Variants in RAB14 observed in about 807,000 individuals in gnomAD.
The protein encoded by RAB14 is ras-related protein Rab-14.
A neutral mutation model predicts 31.1 loss-of-function variants in RAB14; 3 were observed. The observed-to-expected ratio is 0.10, with a 90% CI of 0.04 to 0.25. The LOEUF (loss-of-function observed/expected upper bound fraction) is 0.25, where lower values mean the gene tolerates loss of function less well. Among genes scored for constraint, RAB14 ranks in the 10% least tolerant of loss-of-function variants. The pLI is 1.00. For synonymous variants in RAB14, 85 were observed against 84.9 expected (o/e 1.00, Z 0.00); for missense variants, 111 against 260.1 (o/e 0.43, Z 3.94).
At chr9:121,197,575 T>C (rs1054807859) in intron 1 of RAB14, among the ~76,000 whole-genome samples, 2 of 152,216 alleles carry the variant, frequency 1.3e-5, no homozygotes, top group Non-Finnish European at 2.9e-5. Context: ...ATGGTTTCTA[T>C]TTACTGAATC....
At chr9:121,184,603 G>A (rs1271832283) in intron 5 of RAB14, among the ~76,000 whole-genome samples, 1 of 152,064 alleles carries the variant, frequency 6.6e-6, no homozygotes, top group Non-Finnish European at 1.5e-5. Context: ...TTTTTTTCAT[G>A]TAAAATTACA....
chr9:121,181,249 T>C lies in RAB14; in HGVS notation c.*147A>G, dbSNP rs1175433355. On this transcript the variant is annotated 3_prime_UTR_variant, in exon 8 of 8. Coordinates refer to ENST00000373840, the MANE Select transcript of RAB14 (RefSeq NM_016322.4). ...CATCTAGTTGTTTAGCAGTTTAGTA[T>C]TGTGTTAAACTGTTTTTACAACAGA... The C allele has an allele frequency of 7.7e-6, 6 of 779,184 alleles. No individual in the cohort carries two copies. Among genetic ancestry groups the C allele is most frequent in the Non-Finnish European group, 1.1e-5 (6 of 528,306 alleles). 48.3% of individuals were successfully genotyped at this position (779,184 alleles called of 1,614,324 possible).
intron 2 of RAB14, among the ~76,000 whole-genome samples, chr9:121,192,628 G>A (rs1175249944): frequency 6.6e-6 from 1 of 151,954 alleles, no homozygotes; most frequent in Non-Finnish European, 1.5e-5. Context: ...ATAACAAACT[G>A]AGTTCTGGAA....
At chr9:121,188,734 G>A (rs1196228923) in intron 4 of RAB14, among the ~76,000 whole-genome samples, 1 of 151,948 alleles carries the variant, frequency 6.6e-6, no homozygotes, top group Non-Finnish European at 1.5e-5. Flanking sequence ...CAACACCAAA[G>A]TCACTATAAA....
chr9:121,193,796 C>T (rs1039814167), intron 1 of RAB14, among the ~76,000 whole-genome samples: 6 of 152,112 alleles, frequency 3.9e-5, no homozygotes, highest in African/African-American at 1.4e-4. Flanking sequence ...CTCTTCTCCC[C>T]TTAAAGTCCC....
chr9:121,201,710 G>A lies in RAB14; in HGVS notation c.-79C>T, dbSNP rs1015424220. ...CGTCAGGACCAGGAACAGGAGTGCG[G>A]ACGCAGCGGGAGAGGGGGCGGGGGC... On this transcript the variant is annotated 5_prime_UTR_variant, in exon 1 of 8. Coordinates refer to ENST00000373840, the MANE Select transcript of RAB14 (RefSeq NM_016322.4). 2 of 152,574 alleles carry A rather than the reference G, an allele frequency of 1.3e-5. No homozygotes were observed. The highest frequency in any genetic ancestry group is 2.9e-5 in the Non-Finnish European group (2 of 68,448). The allele number at this position is 152,574 out of a possible 1,614,324, so 9.5% of individuals were successfully genotyped here.
In RAB14 at chr9:121,201,319, C is replaced by T. The variant is rs576031494; in HGVS notation, c.-8+320G>A. 5.9e-5 allele frequency among the ~76,000 whole-genome samples: 9 copies of T among 152,250 alleles called. No homozygotes were observed. In the South Asian group the frequency reaches 1.9e-3, roughly 32 times the overall value. On this transcript the variant is annotated intron_variant, in intron 1 of 7. Transcript: ENST00000373840. Reference sequence around the variant, plus strand: ...GGCCCGCGGGAGATGCGGTCCTGCCCAGCCGCGCCGAGAAGGCGGGGAAGG... The same window carrying T: ...GGCCCGCGGGAGATGCGGTCCTGCCTAGCCGCGCCGAGAAGGCGGGGAAGG...
At chr9:121,200,723 T>C (rs1195754997) in intron 1 of RAB14, among the ~76,000 whole-genome samples, 2 of 152,218 alleles carry the variant, frequency 1.3e-5, no homozygotes, top group East Asian at 1.9e-4. Context: ...CCAGCCACAG[T>C]GTGAGCCGAA....
At position 121,183,359 on chromosome 9, in the gene RAB14, G is replaced by T. The variant is rs1184998950; in HGVS notation, c.391C>A (p.Gln131Lys). Residue 131 changes from glutamine to lysine, a missense_variant, in exon 6 of 8, where the codon CAG becomes AAG. Transcript: ENST00000373840. ...LIGNKADLEAQRDVTYEEAKQ... is the reference protein window; with the variant it reads ...LIGNKADLEAKRDVTYEEAKQ... ...GCTTCTTCATATGTAACATCTCTCT[G>T]TGCCTCCAAATCTGCTTTATTTCCT... The T allele has an allele frequency of 1.9e-6, 3 of 1,610,720 alleles. No individual in the cohort carries two copies. Among genetic ancestry groups the T allele is most frequent in the Non-Finnish European group, 2.5e-6 (3 of 1,178,206 alleles).
chr9:121,181,165 G>A lies in RAB14; in HGVS notation c.*231C>T, dbSNP rs1234746689. ...ATCACGAGGACAAGGGGGAAAAAAA[G>A]TCTAGATTTACCATGCAGGAGAGAT... is the stretch of plus-strand genomic sequence containing the variant. On this transcript the variant is annotated 3_prime_UTR_variant, in exon 8 of 8. Coordinates refer to ENST00000373840, the MANE Select transcript of RAB14 (RefSeq NM_016322.4). 6 of 382,436 alleles carry A rather than the reference G, an allele frequency of 1.6e-5. No homozygotes were observed. Among genetic ancestry groups the A allele is most frequent in the Non-Finnish European group, 2.7e-5 (6 of 218,652 alleles). 23.7% of individuals were successfully genotyped at this position (382,436 alleles called of 1,614,324 possible).
chr9:121,181,645 AATCTTT>A (rs1469005852), intron 7 of RAB14, 72 bp from the exon 8 acceptor site: 1 of 1,269,724 alleles, frequency 7.9e-7, no homozygotes, highest in Admixed American at 2.0e-5. Flanking sequence ...ACCTTTTGCT[AATCTTT>A]AGTTAACTGC....
chr9:121,191,733 A>G (rs970137165), intron 3 of RAB14, among the ~76,000 whole-genome samples: 1 of 152,166 alleles, frequency 6.6e-6, no homozygotes, highest in African/African-American at 2.4e-5. Flanking sequence ...ACTTTCAACT[A>G]TATTTAGCAT....
chr9:121,190,154 CT>C (rs1424884337), intron 4 of RAB14, among the ~76,000 whole-genome samples: 1 of 152,116 alleles, frequency 6.6e-6, no homozygotes, highest in African/African-American at 2.4e-5. Context: ...TAGCAAAACT[CT>C]TTGCTTGGCC....
chr9:121,198,486 T>C (rs1189827217), intron 1 of RAB14, among the ~76,000 whole-genome samples: 2 of 152,232 alleles, frequency 1.3e-5, no homozygotes, highest in African/African-American at 4.8e-5. Context: ...ATGATGTTAC[T>C]GTATAATTTT....
At chr9:121,185,229 T>G (rs1428502313) in intron 5 of RAB14, among the ~76,000 whole-genome samples, 1 of 152,174 alleles carries the variant, frequency 6.6e-6, no homozygotes, top group Non-Finnish European at 1.5e-5. Context: ...GTTTTTAATA[T>G]TTTACTTGAA....
Position 121,182,911 on chromosome 9 carries a change from G to A in RAB14, c.470+19C>T. The A allele has an allele frequency of 6.3e-7, 1 of 1,596,020 alleles. No individual in the cohort carries two copies. Among genetic ancestry groups the A allele is most frequent in the African/African-American group, 1.3e-5 (1 of 74,598 alleles). On this transcript the variant is annotated intron_variant, in intron 7 of 7. Coordinates refer to ENST00000373840, the MANE Select transcript of RAB14 (RefSeq NM_016322.4). ...AAACTTGAATATAATTGAAATATCT[G>A]TATTTTGGTCACACTTACGTTTTTG...
intron 1 of RAB14, among the ~76,000 whole-genome samples, chr9:121,198,781 G>C (rs1316589911): frequency 1.3e-5 from 2 of 152,186 alleles, no homozygotes; most frequent in African/African-American, 4.8e-5. Flanking sequence ...CTCAACAACA[G>C]AAGCATGCTG....
intron 4 of RAB14, among the ~76,000 whole-genome samples, chr9:121,187,510 C>A (rs2053664635): frequency 6.6e-6 from 1 of 152,022 alleles, no homozygotes; most frequent in Admixed American, 6.6e-5. Flanking sequence ...ATACAATTCA[C>A]CTTTCCTTAA....
Position 121,179,360 on chromosome 9 carries a change from TGAA to T in RAB14, c.*2033_*2035del, listed in dbSNP as rs1006379794. 1.8e-4 allele frequency: 28 copies of T among 152,742 alleles called. No homozygotes were observed. Among genetic ancestry groups the T allele is most frequent in the African/African-American group, 4.1e-4 (17 of 41,568 alleles). 9.5% of individuals were successfully genotyped at this position (152,742 alleles called of 1,614,324 possible). A position where few individuals can be genotyped will look rare whatever the true frequency, so the allele number is the denominator to read the frequency against. On this transcript the variant is annotated 3_prime_UTR_variant, in exon 8 of 8. Transcript: ENST00000373840. ...ATTAATAGCATTTTGTTACATCAAA[TGAA>T]GAGTACAGCAGTCTGAATAAATCCT...
Sources: allele counts gnomAD v4.1 joint callset (sites outside exome capture counted in the v4.1 genomes callset), GRCh38; gene constraint gnomAD v4.1.1; transcripts MANE v1.5; gene names NCBI Gene and HGNC (gene_info 2026-07-23, HGNC 2026-07-21).